Variants in TENM2 observed in about 807,000 individuals in gnomAD.
TENM2 encodes teneurin-2.
Under a neutral mutation model 245.2 loss-of-function variants are expected in TENM2, and 52 were observed. The observed-to-expected ratio is 0.21, with a 90% CI of 0.17 to 0.27. TENM2 has a LOEUF of 0.27. Among genes scored for constraint, TENM2 ranks in the 10% least tolerant of loss-of-function variants. The pLI is 1.00. For synonymous variants in TENM2, 1,363 were observed against 1,438.9 expected, an observed-to-expected ratio of 0.95 and a Z score of 1.19; for missense variants, 3,046 against 3,666.8, an observed-to-expected ratio of 0.83 and a Z score of 4.37.
chr5:167,141,101 A>G, the TENM2 span, among the ~76,000 whole-genome samples: 1 of 152,160 alleles, frequency 6.6e-6, no homozygotes, highest in African/African-American at 2.4e-5. Context: ...TGTCTTTGGA[A>G]CTTGTATCAA....
In TENM2 at chr5:167,333,545, A is replaced by G. The variant is rs148693450; in HGVS notation, c.227-41653A>G. The stretch of plus-strand genomic sequence containing the variant: ...AACTGAAAAGTCATTAAAAGAAATT[A>G]TATGTCCTTGGGCCAGCTAAAATAG... On this transcript the variant is annotated intron_variant, in intron 1 of 28. Transcript: ENST00000518659. Among the ~76,000 whole-genome samples the G allele has an allele frequency of 9.8e-5, 15 of 152,336 alleles. 1 individual carries two copies. The highest frequency in any genetic ancestry group is 1.8e-4 in the Non-Finnish European group (12 of 68,026).
Position 168,162,625 on chromosome 5 carries a change from T to G in TENM2, c.2437T>G (p.Leu813Val), listed in dbSNP as rs372418409. ...TCTCCAACCAGATGGCTGCCCTGACTTGTGCAACGGTAACGGGAGATGCAC... is the reference window on the plus strand; with the variant it reads ...TCTCCAACCAGATGGCTGCCCTGACGTGTGCAACGGTAACGGGAGATGCAC... Residue 813 changes from leucine (L) to valine (V), a missense_variant, in exon 13 of 29, where the codon TTG becomes GTG. Physicochemically the swap from Leu to Val is conservative, Grantham distance 32. Transcript: ENST00000518659. The G allele has an allele frequency of 6.8e-5, 109 of 1,613,824 alleles. No individual in the cohort carries two copies. Among genetic ancestry groups the G allele is most frequent in the Non-Finnish European group, 8.9e-5 (105 of 1,179,848 alleles).
chr5:167,967,581 A>G (rs530734612), intron 4 of TENM2, among the ~76,000 whole-genome samples: 93 of 152,290 alleles, frequency 6.1e-4, no homozygotes, highest in Middle Eastern at 3.4e-3. Flanking sequence ...TGAACTTCTT[A>G]TTGCAGGGTA....
At chr5:167,133,876 A>T in the TENM2 span, among the ~76,000 whole-genome samples, 1 of 152,068 alleles carries the variant, frequency 6.6e-6, no homozygotes, top group Non-Finnish European at 1.5e-5. Flanking sequence ...ACTAATTTTC[A>T]TAGGGCCACA....
At chr5:167,417,106 C>T (rs1286489268) in intron 2 of TENM2, among the ~76,000 whole-genome samples, 1 of 152,196 alleles carries the variant, frequency 6.6e-6, no homozygotes, top group Non-Finnish European at 1.5e-5. Flanking sequence ...CAGAATTACA[C>T]ATTTAGAAAC....
intron 3 of TENM2, among the ~76,000 whole-genome samples, chr5:167,886,064 C>A (rs1437312411): frequency 6.6e-6 from 1 of 152,160 alleles, no homozygotes; most frequent in Non-Finnish European, 1.5e-5. Flanking sequence ...ATGAGTTAAT[C>A]AACTGTGTTT....
chr5:168,013,794 A>G (rs912668143), intron 5 of TENM2, among the ~76,000 whole-genome samples: 1 of 152,086 alleles, frequency 6.6e-6, no homozygotes, highest in Non-Finnish European at 1.5e-5. Context: ...ACACAAGCTT[A>G]TTGTCTCCTA....
At chr5:167,526,712 C>A (rs1771150228) in intron 2 of TENM2, among the ~76,000 whole-genome samples, 1 of 152,022 alleles carries the variant, frequency 6.6e-6, no homozygotes, top group Non-Finnish European at 1.5e-5. Context: ...TTCCTTCTTT[C>A]TAATTCCTAT....
At chr5:168,097,095 C>T (rs1214464472) in intron 8 of TENM2, among the ~76,000 whole-genome samples, 1 of 152,160 alleles carries the variant, frequency 6.6e-6, no homozygotes, top group Non-Finnish European at 1.5e-5. Context: ...CCGCAAACCT[C>T]CTATTTAAAG....
At chr5:168,030,085 A>T (rs1424059913) in intron 5 of TENM2, among the ~76,000 whole-genome samples, 2 of 142,698 alleles carry the variant, frequency 1.4e-5, no homozygotes, top group Non-Finnish European at 3.0e-5. Flanking sequence ...CAGGTACTGG[A>T]TGGAGAGGAG....
chr5:167,080,236 A>G, the TENM2 span, among the ~76,000 whole-genome samples: 1 of 152,170 alleles, frequency 6.6e-6, no homozygotes, highest in Admixed American at 6.6e-5. Flanking sequence ...AAATGATAAG[A>G]TATTGGTATT....
chr5:167,682,002 G>C (rs1036304561), intron 2 of TENM2, among the ~76,000 whole-genome samples: 1 of 151,738 alleles, frequency 6.6e-6, no homozygotes, highest in Non-Finnish European at 1.5e-5. Flanking sequence ...GAGAAAAAAA[G>C]CACACACACA....
chr5:167,295,616 T>C (rs1754904853), intron 1 of TENM2, among the ~76,000 whole-genome samples: 1 of 152,208 alleles, frequency 6.6e-6, no homozygotes, highest in South Asian at 2.1e-4. Context: ...AAGGAGACAT[T>C]ACATTTTCAA....
At chr5:167,640,547 C>T (rs551024685) in intron 2 of TENM2, among the ~76,000 whole-genome samples, 1 of 147,394 alleles carries the variant, frequency 6.8e-6, no homozygotes, top group African/African-American at 2.5e-5. Flanking sequence ...AAACCCATGA[C>T]GTGGAGGTTG....
chr5:167,978,771 A>G (rs12515305), intron 4 of TENM2, among the ~76,000 whole-genome samples: 23,830 of 152,200 alleles, frequency 0.16, 2,032 homozygotes, highest in Admixed American at 0.26. Context: ...GTGCAATTAG[A>G]AATGGTTAAT....
chr5:168,217,432 T>C (rs890251746), intron 22 of TENM2, among the ~76,000 whole-genome samples: 13 of 152,222 alleles, frequency 8.5e-5, no homozygotes, highest in African/African-American at 3.1e-4. Context: ...CACTCAAATA[T>C]ACAGCATTTG....
At chr5:167,905,211 A>G (rs1775994714) in intron 3 of TENM2, among the ~76,000 whole-genome samples, 1 of 152,100 alleles carries the variant, frequency 6.6e-6, no homozygotes, top group Non-Finnish European at 1.5e-5. Flanking sequence ...TGTCTATTCC[A>G]TTTCCCGACA....
chr5:167,258,243 G>GTGTATATA, the TENM2 span, among the ~76,000 whole-genome samples: 1 of 136,000 alleles, frequency 7.4e-6, no homozygotes, highest in African/African-American at 3.1e-5. Flanking sequence ...ATATATATAT[G>GTGTATATA]TATATATATA....
intron 13 of TENM2, among the ~76,000 whole-genome samples, chr5:168,176,311 C>T (rs957720000): frequency 3.3e-5 from 5 of 152,196 alleles, no homozygotes; most frequent in African/African-American, 1.2e-4. Context: ...TAGTGAGTCC[C>T]TGCTTCCATG....
Sources: allele counts gnomAD v4.1 joint callset (sites outside exome capture counted in the v4.1 genomes callset), GRCh38; gene constraint gnomAD v4.1.1; transcripts MANE v1.5; gene names NCBI Gene and HGNC (gene_info 2026-07-23, HGNC 2026-07-21).